ARHGAP42: variants seen among roughly 807,000 people sequenced by gnomAD.
ARHGAP42 encodes the protein rho GTPase-activating protein 42.
In ARHGAP42, 63 loss-of-function variants were observed where a neutral mutation model predicts 125.0. The observed-to-expected ratio is 0.50, with a 90% CI of 0.41 to 0.62. The LOEUF (loss-of-function observed/expected upper bound fraction) is 0.62. ARHGAP42 is among the 20% of genes least tolerant of loss of function. The pLI is 0.00. For synonymous variants in ARHGAP42, 339 were observed against 351.0 expected, an observed-to-expected ratio of 0.97 and a Z score of 0.38; for missense variants, 766 against 1,024.2, an observed-to-expected ratio of 0.75 and a Z score of 3.44.
At chr11:100,862,131 T>G (rs1278849623) in intron 4 of ARHGAP42, among the ~76,000 whole-genome samples, 1 of 152,128 alleles carries the variant, frequency 6.6e-6, no homozygotes, top group African/African-American at 2.4e-5. Flanking sequence ...GTGACCTAAT[T>G]AAATAGTCAC....
chr11:100,865,233 T>C (rs1865540981), intron 4 of ARHGAP42, among the ~76,000 whole-genome samples: 1 of 152,200 alleles, frequency 6.6e-6, no homozygotes, highest in South Asian at 2.1e-4. Context: ...AAACATTCCT[T>C]ATACATGCAG....
chr11:100,804,547 A>AT (rs769218224), intron 3 of ARHGAP42, among the ~76,000 whole-genome samples: 12,840 of 144,650 alleles, frequency 0.089, 595 homozygotes, highest in Middle Eastern at 0.12. Flanking sequence ...TAATTTTTAA[A>AT]TTTTTTTTTT....
At chr11:100,981,529 T>C (rs1320683592) in intron 22 of ARHGAP42, among the ~76,000 whole-genome samples, 1 of 152,186 alleles carries the variant, frequency 6.6e-6, no homozygotes, top group Admixed American at 6.5e-5. Context: ...AGCCATATTT[T>C]GGAAAGAGAC....
Position 100,976,071 on chromosome 11 carries a change from A to T in ARHGAP42, c.1870A>T (p.Ser624Cys). The change falls in exon 20 of 24, where the codon AGC (serine) becomes TGC (cysteine). Residue 624 changes from serine (S) to cysteine (C), a missense_variant. By Grantham distance (112) the Ser-to-Cys change is moderately radical (BLOSUM62 -1). This residue lies in a region of ARHGAP42 where 308 missense variants were observed against 369.7 expected (regional missense o/e 0.83). Transcript: ENST00000298815. ...CTACTCCTTAGGTGACTCCTATAGC[A>T]GCAGCCCAGACAGCACACCTATGGG... ...LAEPDSDSYSSSPDSTPMGSI... is the reference protein window; with the variant it reads ...LAEPDSDSYSCSPDSTPMGSI... 1 of 1,529,514 alleles carries T rather than the reference A, an allele frequency of 6.5e-7. No individual in the cohort carries two copies. The highest frequency in any genetic ancestry group is 8.8e-7 in the Non-Finnish European group (1 of 1,136,396). 94.7% of individuals were successfully genotyped at this position (1,529,514 alleles called of 1,614,324 possible).
At chr11:100,750,761 C>A (rs892568187) in intron 1 of ARHGAP42, among the ~76,000 whole-genome samples, 1 of 152,006 alleles carries the variant, frequency 6.6e-6, no homozygotes, top group African/African-American at 2.4e-5. Flanking sequence ...AGCAGGTTAT[C>A]GAATATGGTT....
chr11:100,819,493 T>C (rs1486232436), intron 3 of ARHGAP42, among the ~76,000 whole-genome samples: 2 of 152,114 alleles, frequency 1.3e-5, no homozygotes, highest in African/African-American at 2.4e-5. Context: ...TTGCAGATAG[T>C]AGGAAATTTG....
intron 1 of ARHGAP42, among the ~76,000 whole-genome samples, chr11:100,732,329 T>A (rs556594803): frequency 2.0e-5 from 3 of 152,170 alleles, no homozygotes; most frequent in Admixed American, 2.0e-4. Flanking sequence ...TGCTGCTGAA[T>A]CCTCAGTAGC....
intron 22 of ARHGAP42, among the ~76,000 whole-genome samples, chr11:100,983,534 G>A (rs1858596954): frequency 6.6e-6 from 1 of 152,116 alleles, no homozygotes; most frequent in Non-Finnish European, 1.5e-5. Context: ...AGGGATGCGG[G>A]GATGGTAGGG....
chr11:100,988,910 C>G lies in ARHGAP42; in HGVS notation c.*109C>G. 1.4e-6 allele frequency: 1 copy of G among 705,596 alleles called. No individual in the cohort carries two copies. Among genetic ancestry groups the G allele is most frequent in the Non-Finnish European group, 2.3e-6 (1 of 438,814 alleles). 43.7% of individuals were successfully genotyped at this position (705,596 alleles called of 1,614,324 possible). A position where few individuals can be genotyped will look rare whatever the true frequency, so the allele number is the denominator to read the frequency against. On this transcript the variant is annotated 3_prime_UTR_variant, in exon 24 of 24. Transcript: ENST00000298815. ...GATCAGCCCACTAAGTGAAAACAGT[C>G]AATTTCTATCAAGTTCTTCACCAGC...
chr11:100,800,061 A>G (rs1052434680), intron 3 of ARHGAP42, among the ~76,000 whole-genome samples: 1 of 152,242 alleles, frequency 6.6e-6, no homozygotes, highest in Non-Finnish European at 1.5e-5. Flanking sequence ...GTTAGCCATC[A>G]TAAGTCTGTT....
intron 11 of ARHGAP42, among the ~76,000 whole-genome samples, chr11:100,949,057 G>A (rs775129966): frequency 1.3e-5 from 2 of 152,032 alleles, no homozygotes; most frequent in Non-Finnish European, 2.9e-5. Flanking sequence ...AAATAGGAAG[G>A]CTTACGTAAA....
intron 3 of ARHGAP42, among the ~76,000 whole-genome samples, chr11:100,829,108 G>A (rs1458346146): frequency 6.6e-6 from 1 of 152,066 alleles, no homozygotes; most frequent in African/African-American, 2.4e-5. Flanking sequence ...CTTAGTCTGT[G>A]GCCCTTATCC....
chr11:100,690,578 A>G (rs1453690064), intron 1 of ARHGAP42, among the ~76,000 whole-genome samples: 1 of 152,084 alleles, frequency 6.6e-6, no homozygotes. Flanking sequence ...GTGTTTAAAT[A>G]TCCAATATTT....
intron 1 of ARHGAP42, among the ~76,000 whole-genome samples, chr11:100,767,683 C>G (rs17713163): frequency 0.024 from 3,674 of 152,112 alleles, 70 homozygotes; most frequent in Non-Finnish European, 0.037. Flanking sequence ...GAAGGATATC[C>G]ATCGAAGGGT....
chr11:100,892,449 A>C (rs1866242237), intron 4 of ARHGAP42, among the ~76,000 whole-genome samples: 1 of 151,850 alleles, frequency 6.6e-6, no homozygotes, highest in Admixed American at 6.6e-5. Context: ...GTGTTAGACT[A>C]AGTCAGTTTC....
At chr11:100,873,401 T>TA (rs1228288069) in intron 4 of ARHGAP42, among the ~76,000 whole-genome samples, 4 of 152,184 alleles carry the variant, frequency 2.6e-5, no homozygotes, top group Non-Finnish European at 4.4e-5. Flanking sequence ...TTAGTTCATT[T>TA]AAAAAAATGC....
At chr11:100,709,858 G>A (rs1861532111) in intron 1 of ARHGAP42, among the ~76,000 whole-genome samples, 1 of 152,198 alleles carries the variant, frequency 6.6e-6, no homozygotes, top group Non-Finnish European at 1.5e-5. Context: ...TATCAGCTAT[G>A]CGATTGAATA....
intron 3 of ARHGAP42, among the ~76,000 whole-genome samples, chr11:100,810,975 G>A (rs1337322631): frequency 6.6e-6 from 1 of 151,910 alleles, no homozygotes; most frequent in African/African-American, 2.4e-5. Context: ...TGGTGGGGAG[G>A]GACAGAGTCT....
intron 4 of ARHGAP42, among the ~76,000 whole-genome samples, chr11:100,872,455 G>T (rs1865719487): frequency 6.6e-6 from 1 of 152,024 alleles, no homozygotes; most frequent in Admixed American, 6.6e-5. Flanking sequence ...GAGTGCAGTG[G>T]TGCTATCTCA....
Sources: gnomAD v4.1 joint callset for allele counts (sites outside exome capture counted in the v4.1 genomes callset) on GRCh38, gnomAD v4.1.1 for gene constraint, gnomAD v4.1.1 regional missense constraint, MANE v1.5 for transcripts, NCBI Gene and HGNC (gene_info 2026-07-23, HGNC 2026-07-21) for gene names.